Variants in LPAR1 observed in about 807,000 individuals in gnomAD.
The protein encoded by LPAR1 is lysophosphatidic acid receptor 1.
A neutral mutation model predicts 23.8 loss-of-function variants in LPAR1; 5 were observed. That is an observed-to-expected ratio of 0.21 (90% confidence interval 0.11 to 0.44). The LOEUF is 0.44. Ranked by LOEUF, LPAR1 falls within the 20% of genes least tolerant of loss-of-function variation. LPAR1 has a pLI of 0.99. For synonymous variants in LPAR1, 160 were observed against 164.7 expected (o/e 0.97, Z 0.22); for missense variants, 311 against 482.8 (o/e 0.64, Z 3.33).
chr9:110,996,638 C>T (rs187631621), intron 2 of LPAR1, among the ~76,000 whole-genome samples: 8 of 152,184 alleles, frequency 5.3e-5, no homozygotes, highest in Non-Finnish European at 8.8e-5. Flanking sequence ...CAAGTCATAG[C>T]GATAAAATGA....
At chr9:111,035,786 G>T (rs560912458) in intron 2 of LPAR1, among the ~76,000 whole-genome samples, 1 of 152,194 alleles carries the variant, frequency 6.6e-6, no homozygotes, top group Non-Finnish European at 1.5e-5. Flanking sequence ...ACTAAATTCT[G>T]AAAGTTCTGT....
chr9:110,948,597 T>A (rs2095466270), intron 4 of LPAR1, among the ~76,000 whole-genome samples: 1 of 152,188 alleles, frequency 6.6e-6, no homozygotes, highest in Non-Finnish European at 1.5e-5. Flanking sequence ...ATCATCATAC[T>A]TGTCAAATTT....
intron 4 of LPAR1, among the ~76,000 whole-genome samples, chr9:110,952,622 C>T (rs2095604535): frequency 6.6e-6 from 1 of 152,154 alleles, no homozygotes; most frequent in Admixed American, 6.5e-5. Flanking sequence ...TGAGGAAAGG[C>T]TACTCTGCTT....
chr9:110,926,466 C>T (rs1013023172), intron 5 of LPAR1, among the ~76,000 whole-genome samples: 7 of 152,178 alleles, frequency 4.6e-5, no homozygotes, highest in African/African-American at 1.7e-4. Context: ...AATATAAAAT[C>T]ATATGCCTAC....
chr9:110,941,293 C>T lies in LPAR1; in HGVS notation c.793+128G>A, dbSNP rs2095083783. 8.4e-6 allele frequency: 7 copies of T among 828,528 alleles called. No homozygotes were observed. The highest frequency in any genetic ancestry group is 1.3e-5 in the Non-Finnish European group (7 of 524,964). The allele number at this position is 828,528 out of a possible 1,614,324, so 51.3% of individuals were successfully genotyped here. A position where few individuals can be genotyped will look rare whatever the true frequency, so the allele number is the denominator to read the frequency against. On this transcript the variant is annotated intron_variant, in intron 5 of 5. Coordinates refer to ENST00000683809, the MANE Select transcript of LPAR1 (RefSeq NM_001351411.2). This position sits in a 1 kb window ranked among gnomAD's most constrained non-coding sequence, Gnocchi z 6.1. ...GACATTTAATATAAAGGTGCCTCAT[C>T]CCCTTGTAATTCCTGGTGAATTACC...
chr9:110,900,275 C>T (rs960012874), intron 5 of LPAR1, among the ~76,000 whole-genome samples: 2 of 152,130 alleles, frequency 1.3e-5, no homozygotes, highest in Admixed American at 1.3e-4. Flanking sequence ...TGCTCATGGA[C>T]CCTTCCTCTT....
At chr9:111,022,026 TG>T (rs2097570407) in intron 2 of LPAR1, among the ~76,000 whole-genome samples, 1 of 148,388 alleles carries the variant, frequency 6.7e-6, no homozygotes, top group African/African-American at 2.5e-5. Context: ...CATTCTTCCA[TG>T]TTGTAATGAG....
intron 2 of LPAR1, among the ~76,000 whole-genome samples, chr9:111,030,546 T>C (rs147854863): frequency 0.019 from 2,836 of 152,226 alleles, 86 homozygotes; most frequent in African/African-American, 0.065. Context: ...GGCCTTTCAT[T>C]CAGGCCTTGT....
chr9:110,912,629 T>C (rs1386801279), intron 5 of LPAR1, among the ~76,000 whole-genome samples: 1 of 152,186 alleles, frequency 6.6e-6, no homozygotes, highest in Admixed American at 6.5e-5. Context: ...CAGGCTTTCA[T>C]CAACTATAGA....
At chr9:110,900,556 G>C (rs1173555217) in intron 5 of LPAR1, among the ~76,000 whole-genome samples, 5 of 152,122 alleles carry the variant, frequency 3.3e-5, no homozygotes, top group Non-Finnish European at 7.4e-5. Context: ...ACATTTCATA[G>C]CATTTCTAGT....
intron 5 of LPAR1, among the ~76,000 whole-genome samples, chr9:110,930,220 A>G (rs1379658210): frequency 6.6e-6 from 1 of 152,208 alleles, no homozygotes; most frequent in African/African-American, 2.4e-5. Context: ...TGACATATAG[A>G]AATGAATCCC....
chr9:111,013,953 A>C (rs751355031), intron 2 of LPAR1, among the ~76,000 whole-genome samples: 2 of 152,154 alleles, frequency 1.3e-5, no homozygotes, highest in Non-Finnish European at 2.9e-5. Context: ...CCCCCTTTAT[A>C]GCTGAAACTA....
At chr9:110,882,105 C>T (rs1334776584) in intron 5 of LPAR1, among the ~76,000 whole-genome samples, 2 of 152,184 alleles carry the variant, frequency 1.3e-5, no homozygotes, top group East Asian at 3.8e-4. Context: ...AGCAACAGCC[C>T]ACCACCATCA....
chr9:110,916,755 A>G (rs1000354285), intron 5 of LPAR1, among the ~76,000 whole-genome samples: 4 of 152,146 alleles, frequency 2.6e-5, no homozygotes, highest in Non-Finnish European at 5.9e-5. Flanking sequence ...CCACCCCCTA[A>G]AAAAACTCCA....
At chr9:110,897,580 C>T (rs955186504) in intron 5 of LPAR1, among the ~76,000 whole-genome samples, 3 of 152,192 alleles carry the variant, frequency 2.0e-5, no homozygotes, top group Admixed American at 2.0e-4. Flanking sequence ...TGCATCCATT[C>T]ATCTGTTTAT....
At chr9:110,953,562 C>T (rs1351563200) in intron 4 of LPAR1, among the ~76,000 whole-genome samples, 1 of 151,716 alleles carries the variant, frequency 6.6e-6, no homozygotes, top group African/African-American at 2.4e-5. Context: ...ACTTGGGAGG[C>T]TGAGGCAGAA....
At chr9:111,023,050 CAACAAAAAAAAA>C (rs2097591848) in intron 2 of LPAR1, among the ~76,000 whole-genome samples, 9 of 104,788 alleles carry the variant, frequency 8.6e-5, no homozygotes, top group Non-Finnish European at 9.2e-5. Flanking sequence ...GACTCCGTCT[CAACAAAAAAAAA>C]AAAAAAAAAA....
chr9:110,990,994 T>C (rs974078942), intron 2 of LPAR1, among the ~76,000 whole-genome samples: 6 of 152,204 alleles, frequency 3.9e-5, no homozygotes, highest in African/African-American at 1.4e-4. Context: ...TTTAAAATCA[T>C]GGTGGAACTA....
intron 2 of LPAR1, among the ~76,000 whole-genome samples, chr9:111,016,153 C>G (rs756925206): frequency 1.3e-5 from 2 of 152,126 alleles, no homozygotes; most frequent in African/African-American, 2.4e-5. Flanking sequence ...TTCAATGAAG[C>G]CTTTTATGGG....
Sources: gnomAD v4.1 joint callset for allele counts (sites outside exome capture counted in the v4.1 genomes callset) on GRCh38, gnomAD v4.1.1 for gene constraint, Gnocchi (gnomAD v3.1) non-coding constraint, MANE v1.5 for transcripts, NCBI Gene and HGNC (gene_info 2026-07-23, HGNC 2026-07-21) for gene names.